The following KIF26B variants were observed in gnomAD, a reference collection of about 807,000 sequenced individuals.
KIF26B encodes kinesin family member 26B.
A neutral mutation model predicts 151.2 loss-of-function variants in KIF26B; 63 were observed. The ratio of observed to expected loss-of-function variants is 0.42; its 90% CI spans 0.34 to 0.51. The LOEUF is 0.51. Ranked by LOEUF, KIF26B falls within the 20% of genes least tolerant of loss-of-function variation. The pLI, the probability that KIF26B is intolerant of heterozygous loss-of-function variation, is 0.07. For missense variants in KIF26B, 2,813 were observed against 2,913.6 expected (o/e 0.97, Z 0.79); for synonymous variants, 1,357 against 1,262.1 (o/e 1.08, Z -1.59).
intron 4 of KIF26B, among the ~76,000 whole-genome samples, chr1:245,533,710 G>C (rs1204779042): frequency 2.0e-5 from 3 of 151,952 alleles, no homozygotes; most frequent in Non-Finnish European, 4.4e-5. Flanking sequence ...GATGCACTTA[G>C]AATGACGGGT....
chr1:245,655,904 A>G (rs1468543440), intron 10 of KIF26B, among the ~76,000 whole-genome samples: 2 of 152,214 alleles, frequency 1.3e-5, no homozygotes, highest in Admixed American at 1.3e-4. Context: ...GATTCATAAC[A>G]TTTAACTCTG....
rs543938253 is a variant in KIF26B at position 245,255,541 on chromosome 1, T to A, written c.465+98858T>A. On this transcript the variant is annotated intron_variant, in intron 2 of 14. Coordinates refer to ENST00000407071, the MANE Select transcript of KIF26B (RefSeq NM_018012.4). ...AAAAGCACTTTGTACATCATGTGAT[T>A]TGTATGTTTTTTGCTTGGTACGATT... Among the ~76,000 whole-genome samples the A allele has an allele frequency of 1.9e-4, 29 of 152,328 alleles. No homozygotes were observed. The South Asian group carries it at 2.5e-3, about 13-fold the overall frequency.
rs1349073949 is a variant in KIF26B, at chr1:245,702,872, A to C, written c.*266A>C. 2.5e-5 allele frequency: 10 copies of C among 394,216 alleles called. No individual in the cohort carries two copies. In the East Asian group the frequency reaches 3.7e-4, roughly 15 times the overall value. 24.4% of individuals were successfully genotyped at this position (394,216 alleles called of 1,614,324 possible). A position where few individuals can be genotyped will look rare whatever the true frequency, so the allele number is the denominator to read the frequency against. On this transcript the variant is annotated 3_prime_UTR_variant, in exon 15 of 15. Transcript: ENST00000407071. This position sits in a 1 kb window ranked among gnomAD's most constrained non-coding sequence, Gnocchi z 4.1. ...TGAGACTGAAAAAGCACTTTGAGGA[A>C]CCTTAAAGACCTTGTTTGTACATAA...
rs114149536 is a variant in KIF26B, at chr1:245,442,205, A to G, written c.1166+22460A>G. ...ATGCGGCTGACAAGTGGCAGGCTGA[A>G]GTCCCCACGCCTGGTAGCCTTTTTT... is the stretch of plus-strand genomic sequence containing the variant. On this transcript the variant is annotated intron_variant, in intron 4 of 14. Transcript: ENST00000407071. Among the ~76,000 whole-genome samples, 606 of 152,328 alleles carry G rather than the reference A, an allele frequency of 4.0e-3. 5 individuals are homozygous for G. The highest frequency in any genetic ancestry group is 0.013 in the African/African-American group (541 of 41,568).
At chr1:245,503,427 A>G (rs1660663346) in intron 4 of KIF26B, among the ~76,000 whole-genome samples, 1 of 152,236 alleles carries the variant, frequency 6.6e-6, no homozygotes, top group South Asian at 2.1e-4. Context: ...TTCACCATTT[A>G]CATTCTTGAA....
intron 4 of KIF26B, among the ~76,000 whole-genome samples, chr1:245,499,850 A>G (rs1340891074): frequency 1.3e-5 from 2 of 152,230 alleles, no homozygotes; most frequent in Non-Finnish European, 2.9e-5. Context: ...GTAAAGTGCT[A>G]AAGCAATCAT....
At chr1:245,489,736 G>T (rs1001012423) in intron 4 of KIF26B, among the ~76,000 whole-genome samples, 1 of 152,196 alleles carries the variant, frequency 6.6e-6, no homozygotes, top group African/African-American at 2.4e-5. Flanking sequence ...ATGTGATGTG[G>T]CTTAGATTAA....
intron 12 of KIF26B, among the ~76,000 whole-genome samples, chr1:245,697,530 C>A (rs1320530697): frequency 2.6e-5 from 4 of 152,036 alleles, no homozygotes; most frequent in African/African-American, 9.7e-5. Context: ...CTGAGGATGC[C>A]CCCTAGGCTG....
intron 9 of KIF26B, among the ~76,000 whole-genome samples, chr1:245,618,112 G>A (rs1715784): frequency 0.69 from 104,968 of 151,770 alleles, 36,456 homozygotes; most frequent in East Asian, 0.89. Context: ...GAACCACAAT[G>A]GCACCTTGCC....
At chr1:245,188,279 T>C (rs1573697045) in intron 2 of KIF26B, among the ~76,000 whole-genome samples, 3 of 7,082 alleles carry the variant, frequency 4.2e-4, no homozygotes, top group South Asian at 5.7e-3. Flanking sequence ...AAACTCCATC[T>C]CCAAAAAAAA....
At chr1:245,634,048 A>C (rs1024915255) in intron 9 of KIF26B, among the ~76,000 whole-genome samples, 2 of 152,164 alleles carry the variant, frequency 1.3e-5, no homozygotes, top group African/African-American at 4.8e-5. Context: ...TCCTGGCCTT[A>C]AGTGATCCTT....
rs191690031 is a variant in KIF26B, at chr1:245,309,768, C to T, written c.466-57066C>T. ...GTCCTGTTTCTCCAGAGAACTCTGG[C>T]GAATACAGACATTCCATATGCAAAG... On this transcript the variant is annotated intron_variant, in intron 2 of 14. Coordinates refer to ENST00000407071, the MANE Select transcript of KIF26B (RefSeq NM_018012.4). Among the ~76,000 whole-genome samples the T allele has an allele frequency of 3.7e-3, 545 of 147,050 alleles. 4 individuals carry two copies. Among genetic ancestry groups the T allele is most frequent in the Non-Finnish European group, 5.4e-3 (364 of 67,016 alleles).
intron 1 of KIF26B, 44 bp from the exon 2 acceptor site, chr1:245,156,238 C>A: frequency 6.5e-7 from 1 of 1,532,478 alleles, no homozygotes. Flanking sequence ...GGCGCTGCAG[C>A]CCGCCGCCTT....
intron 2 of KIF26B, among the ~76,000 whole-genome samples, chr1:245,316,895 G>A (rs1034134956): frequency 2.4e-5 from 3 of 122,456 alleles, no homozygotes; most frequent in African/African-American, 1.1e-4. Context: ...TTCCTGGTGC[G>A]TTTCCTTTAA....
intron 2 of KIF26B, chr1:245,214,354 A>G (rs7530441): frequency 0.14 from 21,111 of 151,418 alleles, 2,134 homozygotes; most frequent in African/African-American, 0.29. Context: ...CAGCCTGGGC[A>G]ACACTGTGAG....
At chr1:245,317,257 C>T (rs924231480) in intron 2 of KIF26B, among the ~76,000 whole-genome samples, 1 of 152,250 alleles carries the variant, frequency 6.6e-6, no homozygotes, top group East Asian at 1.9e-4. Flanking sequence ...CTCTAGAAAT[C>T]CTAAAATTCT....
intron 2 of KIF26B, among the ~76,000 whole-genome samples, chr1:245,199,889 T>G (rs887371045): frequency 8.5e-5 from 13 of 152,208 alleles, no homozygotes; most frequent in African/African-American, 2.9e-4. Context: ...TCCACAAATA[T>G]TTATTGAAGG....
At chr1:245,493,747 C>G (rs1235894334) in intron 4 of KIF26B, among the ~76,000 whole-genome samples, 1 of 152,144 alleles carries the variant, frequency 6.6e-6, no homozygotes, top group African/African-American at 2.4e-5. Flanking sequence ...GCTTTTCTCT[C>G]CCTGTTCATC....
At chr1:245,322,220 G>A (rs1290581887) in intron 2 of KIF26B, among the ~76,000 whole-genome samples, 1 of 152,022 alleles carries the variant, frequency 6.6e-6, no homozygotes, top group Non-Finnish European at 1.5e-5. Context: ...CGGGGCCTGT[G>A]GGGGATGGGG....
Sources: allele counts gnomAD v4.1 joint callset (sites outside exome capture counted in the v4.1 genomes callset), GRCh38; gene constraint gnomAD v4.1.1; non-coding constraint Gnocchi (gnomAD v3.1); transcripts MANE v1.5; gene names NCBI Gene and HGNC (gene_info 2026-07-23, HGNC 2026-07-21).